The following PLCB1 variants were observed in gnomAD, a reference collection of about 807,000 sequenced individuals.
PLCB1 encodes phospholipase C beta 1.
Under a neutral mutation model 161.8 loss-of-function variants are expected in PLCB1, and 46 were observed. The ratio of observed to expected loss-of-function variants is 0.28; its 90% CI spans 0.22 to 0.36. The LOEUF (loss-of-function observed/expected upper bound fraction) is 0.36, where lower values mean the gene tolerates loss of function less well. PLCB1 is among the 10% of genes least tolerant of loss of function. The pLI is 1.00. For synonymous variants in PLCB1, 517 were observed against 503.7 expected, an observed-to-expected ratio of 1.03 and a Z score of -0.35; for missense variants, 1,016 against 1,472.5, an observed-to-expected ratio of 0.69 and a Z score of 5.07.
At chr20:8,366,713 T>C (rs1986722943) in intron 2 of PLCB1, among the ~76,000 whole-genome samples, 1 of 152,136 alleles carries the variant, frequency 6.6e-6, no homozygotes. Flanking sequence ...GAGTGTGATC[T>C]CCAAGCTTTG....
chr20:8,375,259 C>G (rs1199178781), intron 3 of PLCB1, among the ~76,000 whole-genome samples: 2 of 152,076 alleles, frequency 1.3e-5, no homozygotes, highest in East Asian at 1.9e-4. Context: ...GTAGAGCACA[C>G]GTAAGGGCAA....
At chr20:8,351,301 T>C (rs1041205843) in intron 2 of PLCB1, among the ~76,000 whole-genome samples, 1 of 152,034 alleles carries the variant, frequency 6.6e-6, no homozygotes, top group Non-Finnish European at 1.5e-5. Flanking sequence ...TATGCAAAAA[T>C]ATGAACTTAG....
At chr20:8,800,636 G>C (rs1054252498) in intron 31 of PLCB1, among the ~76,000 whole-genome samples, 1 of 152,098 alleles carries the variant, frequency 6.6e-6, no homozygotes, top group African/African-American at 2.4e-5. Flanking sequence ...ACATAAGAGA[G>C]AATAGAAAAT....
intron 3 of PLCB1, among the ~76,000 whole-genome samples, chr20:8,532,164 C>A (rs1442872284): frequency 6.6e-6 from 1 of 152,094 alleles, no homozygotes; most frequent in Admixed American, 6.6e-5. Flanking sequence ...ATCTACATTG[C>A]CTACCTTTTG....
chr20:8,483,956 T>A (rs1323990026), intron 3 of PLCB1, among the ~76,000 whole-genome samples: 1 of 152,228 alleles, frequency 6.6e-6, no homozygotes, highest in Non-Finnish European at 1.5e-5. Context: ...GCAGCTAAGC[T>A]GGCTCATACC....
chr20:8,638,948 A>G (rs1372579797), intron 4 of PLCB1, among the ~76,000 whole-genome samples: 2 of 151,354 alleles, frequency 1.3e-5, no homozygotes, highest in East Asian at 3.9e-4. Context: ...AGGATTTTTA[A>G]TTTGTGTTTT....
rs954712207 is a variant in PLCB1, at chr20:8,523,585, T to A, written c.247-104709T>A. Among the ~76,000 whole-genome samples, 4 of 146,366 alleles carry A rather than the reference T, an allele frequency of 2.7e-5. No homozygotes were observed. The East Asian group carries it at 7.8e-4, about 29-fold the overall frequency. On this transcript the variant is annotated intron_variant, in intron 3 of 31. Transcript: ENST00000338037. ...GAAAGCACATGACCGTGAACGAATC[T>A]AGCAGTATGAGAATTTGATTGAAAG... is the stretch of plus-strand genomic sequence containing the variant.
At chr20:8,767,011 T>C (rs1185544797) in intron 26 of PLCB1, among the ~76,000 whole-genome samples, 1 of 152,130 alleles carries the variant, frequency 6.6e-6, no homozygotes, top group African/African-American at 2.4e-5. Flanking sequence ...TCGTAAAATA[T>C]GGGGTCAGAG....
At chr20:8,796,053 T>A (rs543950119) in intron 31 of PLCB1, among the ~76,000 whole-genome samples, 6 of 152,314 alleles carry the variant, frequency 3.9e-5, no homozygotes, top group African/African-American at 1.4e-4. Flanking sequence ...AAACAGTCAA[T>A]AAATGTGTAA....
chr20:8,589,767 CA>C (rs1482209710), intron 3 of PLCB1, among the ~76,000 whole-genome samples: 13 of 151,918 alleles, frequency 8.6e-5, no homozygotes, highest in African/African-American at 3.1e-4. Flanking sequence ...AGATGTGTGC[CA>C]CCATGCCAGG....
At chr20:8,373,965 C>T (rs1055413580) in intron 3 of PLCB1, among the ~76,000 whole-genome samples, 23 of 152,050 alleles carry the variant, frequency 1.5e-4, no homozygotes, top group Admixed American at 1.4e-3. Context: ...AAAATTTCAG[C>T]GGAATTGCCA....
chr20:8,346,975 T>C (rs1477475927), intron 2 of PLCB1, among the ~76,000 whole-genome samples: 1 of 152,082 alleles, frequency 6.6e-6, no homozygotes, highest in Non-Finnish European at 1.5e-5. Flanking sequence ...TCTAGAGAAA[T>C]TGGGATTTTA....
intron 11 of PLCB1, among the ~76,000 whole-genome samples, chr20:8,703,723 C>T (rs1978500620): frequency 6.6e-6 from 1 of 152,074 alleles, no homozygotes; most frequent in Admixed American, 6.5e-5. Context: ...ACCCCAGTGG[C>T]CCAGCTGTAG....
intron 31 of PLCB1, among the ~76,000 whole-genome samples, chr20:8,869,196 T>A (rs28493861): frequency 1.5e-5 from 2 of 129,962 alleles, no homozygotes; most frequent in African/African-American, 5.3e-5. Context: ...CTTGATTATT[T>A]TTTTTTATTA....
chr20:8,606,202 C>T (rs548823566), intron 3 of PLCB1, among the ~76,000 whole-genome samples: 21 of 152,190 alleles, frequency 1.4e-4, no homozygotes, highest in Admixed American at 4.6e-4. Flanking sequence ...TTACATTTAA[C>T]GCTTTATTTG....
At position 8,264,242 on chromosome 20, in the gene PLCB1, C is replaced by T. The variant is rs973416661; in HGVS notation, c.178-107140C>T. On this transcript the variant is annotated intron_variant, in intron 2 of 31. Coordinates refer to ENST00000338037, the MANE Select transcript of PLCB1 (RefSeq NM_015192.4). The stretch of plus-strand genomic sequence containing the variant: ...TCAGCATCATCAATATCACTATCTT[C>T]CACTTCCACATCTTGTCCCACTGGA... Among the ~76,000 whole-genome samples, 82 of 152,124 alleles carry T rather than the reference C, an allele frequency of 5.4e-4. 2 individuals carry two copies. Among genetic ancestry groups the T allele is most frequent in the Admixed American group, 6.6e-4 (10 of 15,254 alleles).
rs41275592 is a variant in PLCB1, at chr20:8,882,007, T to A, written c.*158T>A. 3.3e-3 allele frequency: 1,989 copies of A among 608,618 alleles called. 9 individuals carry two copies. The highest frequency in any genetic ancestry group is 5.3e-3 in the Non-Finnish European group (1,808 of 344,322). The allele number at this position is 608,618 out of a possible 1,614,324, so 37.7% of individuals were successfully genotyped here. A position where few individuals can be genotyped will look rare whatever the true frequency, so the allele number is the denominator to read the frequency against. On this transcript the variant is annotated 3_prime_UTR_variant, in exon 32 of 32. Coordinates refer to ENST00000338037, the MANE Select transcript of PLCB1 (RefSeq NM_015192.4). ...AGTTCCAGAGGAATCCATGAAGAAT[T>A]CCCATGCCCAGGCTCCATGTGTCAT...
At chr20:8,255,874 A>T (rs1169956082) in intron 2 of PLCB1, among the ~76,000 whole-genome samples, 1 of 152,098 alleles carries the variant, frequency 6.6e-6, no homozygotes, top group Admixed American at 6.6e-5. Context: ...GACGAACCAC[A>T]TATATGATGG....
chr20:8,663,213 A>C (rs1417276600), intron 9 of PLCB1, among the ~76,000 whole-genome samples: 1 of 151,960 alleles, frequency 6.6e-6, no homozygotes, highest in Non-Finnish European at 1.5e-5. Context: ...ACATAGATAT[A>C]CACACAACAT....
Sources: gnomAD v4.1 joint callset for allele counts (sites outside exome capture counted in the v4.1 genomes callset) on GRCh38, gnomAD v4.1.1 for gene constraint, MANE v1.5 for transcripts, NCBI Gene and HGNC (gene_info 2026-07-23, HGNC 2026-07-21) for gene names.